CLN8: variants seen among roughly 807,000 people sequenced by gnomAD.
CLN8 encodes the protein protein CLN8.
In CLN8, 14 loss-of-function variants were observed where a neutral mutation model predicts 15.7. The observed-to-expected ratio is 0.89, with a 90% CI of 0.59 to 1.39. The LOEUF is 1.39. Among genes scored for constraint, CLN8 ranks in the 40% most tolerant of loss-of-function variants. The pLI, the probability that CLN8 is intolerant of heterozygous loss-of-function variation, is 0.00. For missense variants in CLN8, 415 were observed against 364.0 expected (o/e 1.14, Z -1.14); for synonymous variants, 188 against 151.0 (o/e 1.25, Z -1.80).
At chr8:1,766,451 G>A (rs1459181079) in intron 1 of CLN8, among the ~76,000 whole-genome samples, 2 of 148,058 alleles carry the variant, frequency 1.4e-5, no homozygotes, top group South Asian at 2.2e-4. Flanking sequence ...GTGCAGTGGC[G>A]CTATCTCAGC....
upstream of CLN8, among the ~76,000 whole-genome samples, chr8:1,753,898 A>AG (rs1398869673): frequency 6.6e-6 from 1 of 152,018 alleles, no homozygotes; most frequent in East Asian, 1.9e-4. Flanking sequence ...AAAAAAAAAA[A>AG]GAAAAGAAAA....
At chr8:1,764,553 G>C (rs978692404) in intron 1 of CLN8, 5 of 152,870 alleles carry the variant, frequency 3.3e-5, no homozygotes, top group African/African-American at 1.2e-4. Context: ...GAGTTAGCTG[G>C]GGCGGAAGGG....
upstream of CLN8, among the ~76,000 whole-genome samples, chr8:1,753,157 G>C (rs7817456): frequency 1.2e-3 from 178 of 152,286 alleles, 1 homozygote; most frequent in African/African-American, 4.1e-3. Flanking sequence ...TGGGAGGTTG[G>C]TACGTGGCAA....
chr8:1,755,121 C>T (rs1404991222), upstream of CLN8, among the ~76,000 whole-genome samples: 2 of 152,142 alleles, frequency 1.3e-5, no homozygotes, highest in Non-Finnish European at 2.9e-5. Context: ...TCAAGACGTT[C>T]GTCATTCCAT....
intron 2 of CLN8, among the ~76,000 whole-genome samples, chr8:1,774,815 C>T (rs916747068): frequency 1.3e-5 from 2 of 152,282 alleles, no homozygotes; most frequent in African/African-American, 2.4e-5. Context: ...GGCAAAACCT[C>T]GTCTCCACAA....
chr8:1,761,303 C>A (rs1345411985), upstream of CLN8, among the ~76,000 whole-genome samples: 1 of 151,276 alleles, frequency 6.6e-6, no homozygotes, highest in East Asian at 1.9e-4. Flanking sequence ...AAATCAATTT[C>A]CCCAAGAATT....
chr8:1,758,095 C>G (rs924367115), intron 1 of CLN8: 2 of 152,042 alleles, frequency 1.3e-5, no homozygotes, highest in Non-Finnish European at 2.9e-5. Context: ...CCGAGTGTCC[C>G]GCATGCAAGC....
intron 2 of CLN8, among the ~76,000 whole-genome samples, chr8:1,774,977 T>G (rs1304929306): frequency 6.6e-6 from 1 of 152,148 alleles, no homozygotes; most frequent in Non-Finnish European, 1.5e-5. Flanking sequence ...AGACCCTATC[T>G]CAAACAAAAA....
intron 2 of CLN8, among the ~76,000 whole-genome samples, chr8:1,774,956 G>A (rs897039359): frequency 6.6e-6 from 1 of 152,158 alleles, no homozygotes; most frequent in African/African-American, 2.4e-5. Flanking sequence ...ACTCCAGCCT[G>A]GGCAAGAGTG....
At chr8:1,768,050 TCTC>T (rs1044299365) in intron 1 of CLN8, among the ~76,000 whole-genome samples, 2 of 151,788 alleles carry the variant, frequency 1.3e-5, no homozygotes, top group African/African-American at 4.8e-5. Flanking sequence ...TTCCAGAAAT[TCTC>T]CTGCCTCAGC....
In CLN8 at chr8:1,780,737, A is replaced by C. The variant is rs1201746973; in HGVS notation, c.*170A>C. The C allele has an allele frequency of 6.0e-6, 4 of 666,228 alleles. No homozygotes were observed. Among genetic ancestry groups the C allele is most frequent in the Non-Finnish European group, 7.5e-6 (3 of 398,156 alleles). The allele number at this position is 666,228 out of a possible 1,614,324, so 41.3% of individuals were successfully genotyped here. A position where few individuals can be genotyped will look rare whatever the true frequency, so the allele number is the denominator to read the frequency against. Reference sequence around the variant, plus strand: ...ATTAATTTTGAAGTAGCTACAAAGTATTTTTAAGAAATTATAATTTTATGA... The same window carrying C: ...ATTAATTTTGAAGTAGCTACAAAGTCTTTTTAAGAAATTATAATTTTATGA... On this transcript the variant is annotated 3_prime_UTR_variant, in exon 3 of 3. Coordinates refer to ENST00000331222, the MANE Select transcript of CLN8 (RefSeq NM_018941.4).
chr8:1,774,050 T>C (rs1225254778), intron 2 of CLN8: 1 of 152,218 alleles, frequency 6.6e-6, no homozygotes, highest in East Asian at 1.9e-4. Flanking sequence ...AGTCTTTCTG[T>C]CTCTCCAGTC....
intron 1 of CLN8, among the ~76,000 whole-genome samples, chr8:1,768,817 G>C (rs116384882): frequency 0.017 from 2,534 of 152,258 alleles, 83 homozygotes; most frequent in African/African-American, 0.059. Context: ...GAGTGCTCTT[G>C]CCAGCCCCTT....
At chr8:1,758,626 A>G (rs531745014) in intron 1 of CLN8, 6 of 152,330 alleles carry the variant, frequency 3.9e-5, no homozygotes, top group Middle Eastern at 3.4e-3. Context: ...CATGTTGCCA[A>G]TCGATACATG....
At chr8:1,755,447 C>G (rs1324853128), upstream of CLN8, among the ~76,000 whole-genome samples, 2 of 152,174 alleles carry the variant, frequency 1.3e-5, no homozygotes, top group Non-Finnish European at 2.9e-5. Flanking sequence ...CCCCTCCCCA[C>G]CTTTGTGGTC....
In CLN8 at chr8:1,781,953, T is replaced by TGTGTGTGTGTG. The variant is rs1801721455; in HGVS notation, c.*1386_*1387insGTGTGTGTGTG. On this transcript the variant is annotated 3_prime_UTR_variant, in exon 3 of 3. Transcript: ENST00000331222. ...CAATGTTGTTAACAGACATACAGAA[T>TGTGTGTGTGTG]TGTGTGTGTGTGTGTGTGTGTGTGT... The TGTGTGTGTGTG allele has an allele frequency of 6.8e-6, 1 of 147,880 alleles. No homozygotes were observed. The highest frequency in any genetic ancestry group is 2.0e-4 in the East Asian group (1 of 5,060). The allele number at this position is 147,880 out of a possible 1,614,324, so 9.2% of individuals were successfully genotyped here.
upstream of CLN8, among the ~76,000 whole-genome samples, chr8:1,755,321 G>T (rs1239573344): frequency 2.6e-5 from 4 of 152,164 alleles, no homozygotes; most frequent in East Asian, 7.8e-4. Flanking sequence ...ACCTTACAAA[G>T]TCCTCCATGG....
At chr8:1,754,921 T>C (rs1250502008), upstream of CLN8, among the ~76,000 whole-genome samples, 2 of 152,200 alleles carry the variant, frequency 1.3e-5, no homozygotes, top group African/African-American at 2.4e-5. Context: ...TCAAAAGAGA[T>C]CAGCCACTGA....
At chr8:1,761,568 G>T (rs917095336), upstream of CLN8, among the ~76,000 whole-genome samples, 7 of 152,298 alleles carry the variant, frequency 4.6e-5, no homozygotes, top group African/African-American at 1.4e-4. Context: ...CAAGTGATCC[G>T]CCTGCCTCGG....
Sources: gnomAD v4.1 joint callset for allele counts (sites outside exome capture counted in the v4.1 genomes callset) on GRCh38, gnomAD v4.1.1 for gene constraint, MANE v1.5 for transcripts, NCBI Gene and HGNC (gene_info 2026-07-23, HGNC 2026-07-21) for gene names.